The following BDP1 variants were observed in gnomAD, a reference collection of about 807,000 sequenced individuals.
The protein encoded by BDP1 is BDP1 general transcription factor IIIB subunit, also known as transcription factor TFIIIB component B'' homolog.
A neutral mutation model predicts 266.6 loss-of-function variants in BDP1; 169 were observed. The ratio of observed to expected loss-of-function variants is 0.63; its 90% CI spans 0.56 to 0.72. BDP1 has a LOEUF of 0.72. Among genes scored for constraint, BDP1 ranks in the 30% least tolerant of loss-of-function variants. BDP1 has a pLI of 0.00. For missense variants in BDP1, 3,015 were observed against 3,053.8 expected, an observed-to-expected ratio of 0.99 and a Z score of 0.30; for synonymous variants, 1,090 against 1,022.4, an observed-to-expected ratio of 1.07 and a Z score of -1.26.
chr5:71,475,298 C>T lies in BDP1; in HGVS notation c.1014+4809C>T, dbSNP rs370591557. On this transcript the variant is annotated intron_variant, in intron 7 of 38. Coordinates refer to ENST00000358731, the MANE Select transcript of BDP1 (RefSeq NM_018429.3). Reference sequence around the variant, plus strand: ...AATTAAAAAAATTTTTTTGTAGAGACTAAGTCTCACTGTGTTGCCCAGGTT... The same window carrying T: ...AATTAAAAAAATTTTTTTGTAGAGATTAAGTCTCACTGTGTTGCCCAGGTT... 9.9e-5 allele frequency among the ~76,000 whole-genome samples: 15 copies of T among 152,168 alleles called. 1 individual carries two copies. Among genetic ancestry groups the T allele is most frequent in the African/African-American group, 3.6e-4 (15 of 41,530 alleles).
chr5:71,559,919 T>C, intron 36 of BDP1, 63 bp from the exon 37 acceptor site: 1 of 1,532,706 alleles, frequency 6.5e-7, no homozygotes, highest in Non-Finnish European at 8.8e-7. Context: ...TTTCAAATGC[T>C]GGGATTACAT....
At chr5:71,557,402 T>TTTTTG (rs1743301857) in intron 36 of BDP1, among the ~76,000 whole-genome samples, 14 of 141,160 alleles carry the variant, frequency 9.9e-5, no homozygotes, top group African/African-American at 2.9e-4. Context: ...TTTTTTTTTT[T>TTTTTG]GAGACGGTGT....
intron 7 of BDP1, among the ~76,000 whole-genome samples, chr5:71,478,114 G>T (rs1762706300): frequency 6.6e-6 from 1 of 152,150 alleles, no homozygotes; most frequent in Admixed American, 6.6e-5. Flanking sequence ...GCCAGGCGTG[G>T]TGGCACATGC....
In BDP1 at chr5:71,549,422, A is replaced by T; in HGVS notation, c.6811A>T (p.Asn2271Tyr). The T allele has an allele frequency of 6.2e-7, 1 of 1,606,536 alleles. No homozygotes were observed. Among genetic ancestry groups the T allele is most frequent in the Non-Finnish European group, 8.5e-7 (1 of 1,177,006 alleles). The part of the protein sequence containing the change: ...NIINPQDLTV[N>Y]LVANVPQDGE... ...TACTAACTTTTAAACTTTGATAGTG[A>T]ATCTAGTTGCTAATGTACCTCAAGA... Residue 2271 changes from asparagine to tyrosine, a missense_variant and splice_region_variant, in exon 34 of 39, where the codon AAT (asparagine) becomes TAT (tyrosine). Asn to Tyr is a moderately radical substitution (Grantham distance 143, BLOSUM62 -2). Coordinates refer to ENST00000358731, the MANE Select transcript of BDP1 (RefSeq NM_018429.3).
chr5:71,559,882 G>T (rs1743504529), intron 36 of BDP1, 100 bp from the exon 37 acceptor site: 1 of 1,234,118 alleles, frequency 8.1e-7, no homozygotes, highest in Middle Eastern at 2.0e-4. Flanking sequence ...ATTAGGGTAG[G>T]TTTATTATAG....
At chr5:71,486,859 G>A (rs1476923300) in intron 9 of BDP1, among the ~76,000 whole-genome samples, 3 of 152,186 alleles carry the variant, frequency 2.0e-5, no homozygotes, top group African/African-American at 7.2e-5. Flanking sequence ...CTCTAGCATA[G>A]AGGATAGTTG....
intron 25 of BDP1, among the ~76,000 whole-genome samples, chr5:71,531,907 T>C (rs1477974634): frequency 6.6e-6 from 1 of 152,228 alleles, no homozygotes; most frequent in Non-Finnish European, 1.5e-5. Context: ...AGATTGTGAA[T>C]TCATTGAGGA....
At chr5:71,574,639 G>A in the BDP1 span, among the ~76,000 whole-genome samples, 3 of 152,202 alleles carry the variant, frequency 2.0e-5, no homozygotes, top group South Asian at 4.1e-4. Context: ...AACTTACAGG[G>A]CATTACTGTA....
Position 71,502,817 on chromosome 5 carries a change from T to G in BDP1, c.2241+26T>G, listed in dbSNP as rs760795305. 3 of 1,587,858 alleles carry G rather than the reference T, an allele frequency of 1.9e-6. No homozygotes were observed. In the East Asian group the frequency reaches 6.7e-5, roughly 36 times the overall value. On this transcript the variant is annotated intron_variant, in intron 15 of 38. Transcript: ENST00000358731. ...GTAAGTACTCTGATTCCTCCTCACA[T>G]TTTTGGTAAGCAAGTACATGAGCCT... is the stretch of plus-strand genomic sequence containing the variant.
rs1301846979 is a variant in BDP1 at position 71,545,123 on chromosome 5, A to C, written c.6648A>C (p.Thr2216=). The C allele has an allele frequency of 6.2e-7, 1 of 1,613,774 alleles. No homozygotes were observed. Reference sequence around the variant, plus strand: ...CTTCCTCTGAGACAGGGCCCTGCACACTTGGTTTGGATAGGGGTCTTGGTG... The same window carrying C: ...CTTCCTCTGAGACAGGGCCCTGCACCCTTGGTTTGGATAGGGGTCTTGGTG... ...PVASSETGPC[T]LGLDRGLGEN... Residue 2216 remains threonine (T), a synonymous_variant, in exon 32 of 39, where the codon ACA becomes ACC. Transcript: ENST00000358731.
In BDP1 at chr5:71,522,320, G is replaced by T; in HGVS notation, c.5023G>T (p.Ala1675Ser). The change falls in exon 23 of 39, where the codon GCA (alanine) becomes TCA (serine). Residue 1675 changes from alanine to serine, a missense_variant. Ala to Ser is a moderately conservative substitution (Grantham distance 99). Transcript: ENST00000358731. The stretch of plus-strand genomic sequence containing the variant: ...AAATAAACCGTATGTTCCTAGTTCA[G>T]CACAAATGACAAGAAGGAAATTCCA... ...HENKPYVPSS[A>S]QMTRRKFQKA... The T allele has an allele frequency of 6.2e-7, 1 of 1,613,706 alleles. No individual in the cohort carries two copies. The highest frequency in any genetic ancestry group is 1.7e-4 in the Middle Eastern group (1 of 6,060).
At chr5:71,572,248 A>G (rs936610941), downstream of BDP1, among the ~76,000 whole-genome samples, 24 of 151,924 alleles carry the variant, frequency 1.6e-4, no homozygotes, top group African/African-American at 5.6e-4. Context: ...GTGTCCCCTG[A>G]CCCTTCTTCC....
chr5:71,564,499 A>G (rs1328305164), intron 38 of BDP1, among the ~76,000 whole-genome samples: 1 of 152,032 alleles, frequency 6.6e-6, no homozygotes, highest in Non-Finnish European at 1.5e-5. Flanking sequence ...TTCCTATTTT[A>G]TTATTATAAC....
chr5:71,512,198 A>G (rs764844012), intron 17 of BDP1, 43 bp from the exon 18 acceptor site: 8 of 1,036,298 alleles, frequency 7.7e-6, no homozygotes, highest in African/African-American at 6.5e-5. Flanking sequence ...AGATGTTTAA[A>G]TACTCTTTTA....
intron 25 of BDP1, among the ~76,000 whole-genome samples, chr5:71,528,607 C>T (rs920305206): frequency 5.9e-5 from 9 of 152,124 alleles, no homozygotes; most frequent in South Asian, 2.1e-4. Flanking sequence ...TAAGAATTAA[C>T]GGATTATCTG....
chr5:71,508,942 G>A (rs891496066), intron 16 of BDP1, among the ~76,000 whole-genome samples: 3 of 152,108 alleles, frequency 2.0e-5, no homozygotes, highest in Admixed American at 6.6e-5. Flanking sequence ...ATCTGTATAG[G>A]AAATCTCATA....
intron 13 of BDP1, among the ~76,000 whole-genome samples, chr5:71,500,326 T>C (rs1335017469): frequency 2.8e-5 from 2 of 71,618 alleles, no homozygotes; most frequent in African/African-American, 7.2e-5. Context: ...CTTTTTTTTT[T>C]TTTTTTTTTT....
intron 32 of BDP1, among the ~76,000 whole-genome samples, chr5:71,545,735 C>T (rs1254321372): frequency 4.6e-5 from 7 of 151,960 alleles, no homozygotes; most frequent in Non-Finnish European, 1.0e-4. Context: ...TGAGAGAAGC[C>T]TTGGACTTGA....
intron 17 of BDP1, among the ~76,000 whole-genome samples, chr5:71,511,682 G>A (rs901441452): frequency 3.3e-5 from 5 of 151,850 alleles, no homozygotes; most frequent in Admixed American, 2.0e-4. Context: ...CTGTGAAAAA[G>A]TCACTGTTAT....
Sources: gnomAD v4.1 joint callset for allele counts (sites outside exome capture counted in the v4.1 genomes callset) on GRCh38, gnomAD v4.1.1 for gene constraint, MANE v1.5 for transcripts, NCBI Gene and HGNC (gene_info 2026-07-23, HGNC 2026-07-21) for gene names.